OTX1: variants seen among roughly 807,000 people sequenced by gnomAD.
The protein encoded by OTX1 is orthodenticle homeobox 1, also known as homeobox protein OTX1.
Under a neutral mutation model 26.7 loss-of-function variants are expected in OTX1, and 7 were observed. That is an observed-to-expected ratio of 0.26 (90% CI 0.15 to 0.49). The LOEUF (loss-of-function observed/expected upper bound fraction) is 0.49. Ranked by LOEUF, OTX1 falls within the 20% of genes least tolerant of loss-of-function variation. The pLI is 0.98. For missense variants in OTX1, 414 were observed against 483.8 expected, an observed-to-expected ratio of 0.86 and a Z score of 1.35; for synonymous variants, 216 against 212.8, an observed-to-expected ratio of 1.01 and a Z score of -0.13.
chr2:63,050,372 C>T (rs1303025636), upstream of OTX1, among the ~76,000 whole-genome samples: 1 of 152,140 alleles, frequency 6.6e-6, no homozygotes, highest in Admixed American at 6.5e-5. Context: ...TCCTCCAGCC[C>T]GCCGCCCCCG....
At position 63,055,436 on chromosome 2, in the gene OTX1, G is replaced by C. The variant is rs1463442994; in HGVS notation, c.250-65G>C. ...TCTGGACCGGGAGTTGGGTCCGCGG[G>C]GCGGTGGAGCAACAAGCTCCCCTAG... On this transcript the variant is annotated intron_variant, in intron 4 of 4. Transcript: ENST00000282549. This position sits in a 1 kb window ranked among gnomAD's most constrained non-coding sequence, Gnocchi z 5.2. The C allele has an allele frequency of 3.3e-6, 5 of 1,506,480 alleles. No individual in the cohort carries two copies. Among genetic ancestry groups the C allele is most frequent in the Non-Finnish European group, 4.5e-6 (5 of 1,109,220 alleles). The allele number at this position is 1,506,480 out of a possible 1,614,324, so 93.3% of individuals were successfully genotyped here.
At chr2:63,051,470 C>A (rs1450671679) in intron 2 of OTX1, 153 bp downstream of exon 2, 1 of 152,316 alleles carries the variant, frequency 6.6e-6, no homozygotes, top group East Asian at 1.9e-4. Flanking sequence ...AGCCGAGGAC[C>A]CCGGGGCGCT....
In OTX1 at chr2:63,056,072, GCCA is replaced by G. The variant is rs1559119999; in HGVS notation, c.825_827del (p.His279del). The G allele has an allele frequency of 1.2e-6, 2 of 1,613,076 alleles. No homozygotes were observed. Among genetic ancestry groups the G allele is most frequent in the African/African-American group, 2.7e-5 (2 of 74,830 alleles). ...CCCATGGCACCCTCCTCCATGGCGGGCCACCATCATCACCACCCACATGCGCAC... is the reference window on the plus strand; with the variant it reads ...CCCATGGCACCCTCCTCCATGGCGGGCCATCATCACCACCCACATGCGCAC... On this transcript the variant is annotated inframe_deletion, in exon 5 of 5. Transcript: ENST00000282549.
At position 63,052,946 on chromosome 2, in the gene OTX1, C is replaced by G; in HGVS notation, c.-45C>G. 7.2e-7 allele frequency: 1 copy of G among 1,394,438 alleles called. No individual in the cohort carries two copies. Among genetic ancestry groups the G allele is most frequent in the African/African-American group, 1.4e-5 (1 of 69,846 alleles). The allele number at this position is 1,394,438 out of a possible 1,614,324, so 86.4% of individuals were successfully genotyped here. A position where few individuals can be genotyped will look rare whatever the true frequency, so the allele number is the denominator to read the frequency against. On this transcript the variant is annotated 5_prime_UTR_variant, in exon 3 of 5. Transcript: ENST00000282549. ...TGGGAGCCCTGCACCGCTCCTGGCC[C>G]CGGGCCCCCTGGATCCGTCGGGGCG...
rs1239777121 is a variant in OTX1 at position 63,056,922 on chromosome 2, G to A, written c.*606G>A. ...GGGGCGCGCCAGGGCTAGGCCCGCC[G>A]GAGGAGCGCGTCCCCAGCCTTCCGC... On this transcript the variant is annotated 3_prime_UTR_variant, in exon 5 of 5. Transcript: ENST00000282549. 6.6e-6 allele frequency: 1 copy of A among 152,594 alleles called. No individual in the cohort carries two copies. Among genetic ancestry groups the A allele is most frequent in the Non-Finnish European group, 1.5e-5 (1 of 68,410 alleles). 9.5% of individuals were successfully genotyped at this position (152,594 alleles called of 1,614,324 possible).
upstream of OTX1, among the ~76,000 whole-genome samples, chr2:63,050,486 C>T (rs1461840518): frequency 6.6e-6 from 1 of 152,186 alleles, no homozygotes; most frequent in Non-Finnish European, 1.5e-5. Flanking sequence ...CCCTCCGGAG[C>T]GCCGAGAGCG....
chr2:63,055,732 C>A lies in OTX1; in HGVS notation c.481C>A (p.Pro161Thr), dbSNP rs1011203954. ...AGCGGCTGCGGGACTAGGTGGGAAC[C>A]CGGTGGCGGCCGCGTCGTCGCTGAG... ...AAAAAGLGGN[P>T]VAAASSLSTP... Residue 161 changes from proline to threonine, a missense_variant, in exon 5 of 5, where the codon CCG becomes ACG. By Grantham distance (38) the Pro-to-Thr change is conservative. Coordinates refer to ENST00000282549, the MANE Select transcript of OTX1 (RefSeq NM_014562.4). The surrounding 1 kb of genome is among the most constrained non-coding windows in gnomAD (Gnocchi z 5.2). 2 of 1,612,638 alleles carry A rather than the reference C, an allele frequency of 1.2e-6. No homozygotes were observed. The highest frequency in any genetic ancestry group is 1.7e-6 in the Non-Finnish European group (2 of 1,179,668).
chr2:63,055,845 C>T lies in OTX1; in HGVS notation c.594C>T (p.Ala198=), dbSNP rs773046309. ...PASVSVPEPL[A]APSNTSCMQR... ...CCGTGTCGGTGCCGGAGCCATTGGC[C>T]GCGCCTAGCAACACCTCGTGTATGC... The change falls in exon 5 of 5, where the codon GCC becomes GCT. Residue 198 remains alanine, a synonymous_variant. Coordinates refer to ENST00000282549, the MANE Select transcript of OTX1 (RefSeq NM_014562.4). The surrounding 1 kb of genome is among the most constrained non-coding windows in gnomAD (Gnocchi z 5.2). 6.8e-6 allele frequency: 11 copies of T among 1,612,058 alleles called. No homozygotes were observed. The highest frequency in any genetic ancestry group is 1.7e-5 in the Admixed American group (1 of 59,972).
At position 63,055,936 on chromosome 2, in the gene OTX1, G is replaced by C; in HGVS notation, c.685G>C (p.Gly229Arg). 2.5e-6 allele frequency: 4 copies of C among 1,612,792 alleles called. No individual in the cohort carries two copies. Among genetic ancestry groups the C allele is most frequent in the Non-Finnish European group, 3.4e-6 (4 of 1,180,018 alleles). Residue 229 changes from glycine (G) to arginine (R), a missense_variant, in exon 5 of 5, where the codon GGC (glycine) becomes CGC (arginine). By Grantham distance (125) the Gly-to-Arg change is moderately radical. Coordinates refer to ENST00000282549, the MANE Select transcript of OTX1 (RefSeq NM_014562.4). This position sits in a 1 kb window ranked among gnomAD's most constrained non-coding sequence, Gnocchi z 5.2. ...TTATCCCATGTCCTACGGCCAGGGC[G>C]GCAGCTACGGCCAAGGCTACCCTAC... ...ASYPMSYGQG[G>R]SYGQGYPTPS...
At position 63,057,766 on chromosome 2, in the gene OTX1, T is replaced by C. The variant is rs2062078835; in HGVS notation, c.*1450T>C. 6.6e-6 allele frequency: 1 copy of C among 152,176 alleles called. No homozygotes were observed. The highest frequency in any genetic ancestry group is 2.4e-5 in the African/African-American group (1 of 41,432). The allele number at this position is 152,176 out of a possible 1,614,324, so 9.4% of individuals were successfully genotyped here. ...GAAGATCACAAATTACTTGTTGAAATGTAAGGCAGTCCCCCTCCTCCTCTT... is the reference window on the plus strand; with the variant it reads ...GAAGATCACAAATTACTTGTTGAAACGTAAGGCAGTCCCCCTCCTCCTCTT... On this transcript the variant is annotated 3_prime_UTR_variant, in exon 5 of 5. Coordinates refer to ENST00000282549, the MANE Select transcript of OTX1 (RefSeq NM_014562.4).
chr2:63,056,260 T>G lies in OTX1; in HGVS notation c.1009T>G (p.Ser337Ala), dbSNP rs1574630181. 1.2e-6 allele frequency: 2 copies of G among 1,613,470 alleles called. No individual in the cohort carries two copies. The highest frequency in any genetic ancestry group is 1.7e-6 in the Non-Finnish European group (2 of 1,179,890). Reference protein sequence around the residue: ...ASSAWKLNFNSPDCLDYKDQA... With the variant: ...ASSAWKLNFNAPDCLDYKDQA... Reference sequence around the variant, plus strand: ...CTCCGCCTGGAAACTCAACTTCAACTCCCCCGACTGTCTGGACTATAAGGA... The same window carrying G: ...CTCCGCCTGGAAACTCAACTTCAACGCCCCCGACTGTCTGGACTATAAGGA... The change falls in exon 5 of 5, where the codon TCC becomes GCC. Residue 337 changes from serine to alanine, a missense_variant. By Grantham distance (99) the Ser-to-Ala change is moderately conservative. Coordinates refer to ENST00000282549, the MANE Select transcript of OTX1 (RefSeq NM_014562.4).
At position 63,056,123 on chromosome 2, in the gene OTX1, GCCACCA is replaced by G. The variant is rs773204989; in HGVS notation, c.882_887del (p.His300_His301del). ...CACCACCCGTTGAGCCAGTCCTCAG[GCCACCA>G]CCACCACCATCACCACCACCACCAC... On this transcript the variant is annotated inframe_deletion, in exon 5 of 5. Coordinates refer to ENST00000282549, the MANE Select transcript of OTX1 (RefSeq NM_014562.4). 6.2e-7 allele frequency: 1 copy of G among 1,613,546 alleles called. No homozygotes were observed. The highest frequency in any genetic ancestry group is 2.2e-5 in the East Asian group (1 of 44,868).
chr2:63,056,447 G>C lies in OTX1; in HGVS notation c.*131G>C. On this transcript the variant is annotated 3_prime_UTR_variant, in exon 5 of 5. Coordinates refer to ENST00000282549, the MANE Select transcript of OTX1 (RefSeq NM_014562.4). ...CTGAATTTTCACCCCCCAAAAAGAT[G>C]TCCATTGCCTGCACTGCCGCCCCCA... 1.2e-6 allele frequency: 1 copy of C among 831,916 alleles called. No homozygotes were observed. The highest frequency in any genetic ancestry group is 1.8e-6 in the Non-Finnish European group (1 of 542,382). The allele number at this position is 831,916 out of a possible 1,614,324, so 51.5% of individuals were successfully genotyped here. A position where few individuals can be genotyped will look rare whatever the true frequency, so the allele number is the denominator to read the frequency against.
rs777426321 is a variant in OTX1, at chr2:63,053,065, G to A, written c.75G>A (p.Leu25=). ...LGLAGPAMDL[L]HPSVGYPATP... Reference sequence around the variant, plus strand: ...TGGCCGGGCCCGCCATGGACCTCCTGCACCCATCCGTGGGCTATCCGGGTG... The same window carrying A: ...TGGCCGGGCCCGCCATGGACCTCCTACACCCATCCGTGGGCTATCCGGGTG... Residue 25 remains leucine (L), a synonymous_variant, in exon 3 of 5, where the codon CTG becomes CTA. Coordinates refer to ENST00000282549, the MANE Select transcript of OTX1 (RefSeq NM_014562.4). 5 of 1,594,384 alleles carry A rather than the reference G, an allele frequency of 3.1e-6. No homozygotes were observed. In the African/African-American group the frequency reaches 4.1e-5, roughly 13 times the overall value.
rs1559120618 is a variant in OTX1 at position 63,057,620 on chromosome 2, T to C, written c.*1304T>C. ...ACACCCTTGTTTTGTCTAGTGAGTT[T>C]TTAGTGCACCTTCGTTCTCCGAAAT... On this transcript the variant is annotated 3_prime_UTR_variant, in exon 5 of 5. Transcript: ENST00000282549. The C allele has an allele frequency of 1.3e-5, 2 of 152,202 alleles. No homozygotes were observed. 9.4% of individuals were successfully genotyped at this position (152,202 alleles called of 1,614,324 possible).
At chr2:63,049,738 A>G (rs143774483), upstream of OTX1, among the ~76,000 whole-genome samples, 39 of 152,386 alleles carry the variant, frequency 2.6e-4, no homozygotes, top group African/African-American at 8.9e-4. The surrounding 1 kb of genome is among the most constrained non-coding windows in gnomAD (Gnocchi z 4.8). Flanking sequence ...AGGAGGTGCC[A>G]TTTAAAAGAT....
Position 63,052,927 on chromosome 2 carries a change from C to T in OTX1, c.-64C>T. On this transcript the variant is annotated 5_prime_UTR_variant, in exon 3 of 5. Coordinates refer to ENST00000282549, the MANE Select transcript of OTX1 (RefSeq NM_014562.4). ...ACCCTGAAGGACTGCGTGGTGGGAG[C>T]CCTGCACCGCTCCTGGCCCCGGGCC... 3 of 1,064,432 alleles carry T rather than the reference C, an allele frequency of 2.8e-6. No individual in the cohort carries two copies. The highest frequency in any genetic ancestry group is 1.8e-5 in the Admixed American group (1 of 55,126). 65.9% of individuals were successfully genotyped at this position (1,064,432 alleles called of 1,614,324 possible).
At position 63,053,021 on chromosome 2, in the gene OTX1, G is replaced by A. The variant is rs760132785; in HGVS notation, c.31G>A (p.Gly11Ser). 2.1e-5 allele frequency: 33 copies of A among 1,609,346 alleles called. No homozygotes were observed. Among genetic ancestry groups the A allele is most frequent in the Admixed American group, 8.4e-5 (5 of 59,770 alleles). Reference sequence around the variant, plus strand: ...GTCTTACCTCAAACAACCCCCATACGGCATGAACGGGCTGGGCCTGGCCGG... The same window carrying A: ...GTCTTACCTCAAACAACCCCCATACAGCATGAACGGGCTGGGCCTGGCCGG... MMSYLKQPPY[G>S]MNGLGLAGPA... The change falls in exon 3 of 5, where the codon GGC becomes AGC. Residue 11 changes from glycine to serine, a missense_variant. Around this residue, in one of 3 missense-constraint regions of OTX1, gnomAD observed 48 missense variants for 41.6 expected, o/e 1.15. Coordinates refer to ENST00000282549, the MANE Select transcript of OTX1 (RefSeq NM_014562.4).
intron 3 of OTX1, among the ~76,000 whole-genome samples, chr2:63,053,754 G>T (rs2062044261): frequency 6.6e-6 from 1 of 152,180 alleles, no homozygotes; most frequent in Non-Finnish European, 1.5e-5. Flanking sequence ...GTGCAGGGGA[G>T]AGGGGATGTA....
Sources: allele counts gnomAD v4.1 joint callset (sites outside exome capture counted in the v4.1 genomes callset), GRCh38; gene constraint gnomAD v4.1.1; regional missense constraint gnomAD v4.1.1; non-coding constraint Gnocchi (gnomAD v3.1); transcripts MANE v1.5; gene names NCBI Gene and HGNC (gene_info 2026-07-23, HGNC 2026-07-21).